The following ME3 variants were observed in gnomAD, a reference collection of about 807,000 sequenced individuals.
ME3 encodes the protein NADP-dependent malic enzyme, mitochondrial.
A neutral mutation model predicts 68.9 loss-of-function variants in ME3; 48 were observed. The observed-to-expected ratio is 0.70, with a 90% confidence interval of 0.55 to 0.89. The LOEUF is 0.89. ME3 is among the 40% of genes least tolerant of loss of function. ME3 has a pLI of 0.00. For synonymous variants in ME3, 320 were observed against 318.8 expected, an observed-to-expected ratio of 1.00 and a Z score of -0.04; for missense variants, 675 against 797.4, an observed-to-expected ratio of 0.85 and a Z score of 1.85.
At chr11:86,600,755 T>A (rs2135112997) in intron 2 of ME3, among the ~76,000 whole-genome samples, 1 of 151,898 alleles carries the variant, frequency 6.6e-6, no homozygotes, top group East Asian at 1.9e-4. Flanking sequence ...AAACTGTCTC[T>A]CAGACCACAG....
Position 86,527,321 on chromosome 11 carries a change from A to G in ME3, c.468-18454T>C, listed in dbSNP as rs560497304. On this transcript the variant is annotated intron_variant, in intron 4 of 14. Coordinates refer to ENST00000543262, the Ensembl canonical transcript of ME3. ...GAGAAGAGAAGTTTAGAGAAAAAAG[A>G]ATAAAAAGAAACGAACAAAGCCTCC... Among the ~76,000 whole-genome samples, 8 of 152,320 alleles carry G rather than the reference A, an allele frequency of 5.3e-5. No individual in the cohort carries two copies. The South Asian group carries it at 1.7e-3, about 32-fold the overall frequency.
intron 4 of ME3, among the ~76,000 whole-genome samples, chr11:86,513,113 G>C (rs931901301): frequency 3.9e-5 from 6 of 152,194 alleles, no homozygotes; most frequent in Non-Finnish European, 7.4e-5. Context: ...TTAAACACAG[G>C]ATAGGTGTGA....
At chr11:86,513,064 C>G (rs1206073150) in intron 4 of ME3, among the ~76,000 whole-genome samples, 1 of 152,110 alleles carries the variant, frequency 6.6e-6, no homozygotes, top group East Asian at 1.9e-4. Flanking sequence ...GGGGTAAGAT[C>G]CATGCACTAT....
intron 2 of ME3, among the ~76,000 whole-genome samples, chr11:86,586,571 A>T (rs1403967971): frequency 6.6e-6 from 1 of 152,152 alleles, no homozygotes; most frequent in Non-Finnish European, 1.5e-5. Flanking sequence ...CTGGGTGGAG[A>T]AGGTCTATAA....
At chr11:86,561,063 C>T (rs563561058) in intron 2 of ME3, among the ~76,000 whole-genome samples, 4 of 152,116 alleles carry the variant, frequency 2.6e-5, no homozygotes, top group South Asian at 2.1e-4. Flanking sequence ...ACTGTTGATA[C>T]GGACCTTGAT....
intron 4 of ME3, among the ~76,000 whole-genome samples, chr11:86,551,590 G>A (rs1319376543): frequency 7.9e-5 from 12 of 152,278 alleles, no homozygotes; most frequent in South Asian, 6.2e-4. Flanking sequence ...GTCAGCTTTC[G>A]TTTTCATCTC....
At chr11:86,460,505 G>A (rs1054397470) in intron 8 of ME3, among the ~76,000 whole-genome samples, 1 of 152,226 alleles carries the variant, frequency 6.6e-6, no homozygotes, top group African/African-American at 2.4e-5. Flanking sequence ...CACTGAGGAT[G>A]TGAGGCTAGG....
At chr11:86,604,415 G>T (rs117327791) in intron 2 of ME3, among the ~76,000 whole-genome samples, 100 of 151,944 alleles carry the variant, frequency 6.6e-4, no homozygotes, top group Non-Finnish European at 1.1e-3. Flanking sequence ...TTTTATTTTT[G>T]GTTTACACTA....
intron 2 of ME3, among the ~76,000 whole-genome samples, chr11:86,585,277 T>C (rs1279309666): frequency 1.3e-5 from 2 of 152,234 alleles, no homozygotes; most frequent in Non-Finnish European, 2.9e-5. Context: ...GGAGAATTTT[T>C]GGAAGGGTCC....
At position 86,530,178 on chromosome 11, in the gene ME3, A is replaced by G. The variant is rs1367837666; in HGVS notation, c.468-21311T>C. 2.0e-5 allele frequency among the ~76,000 whole-genome samples: 3 copies of G among 152,192 alleles called. No individual in the cohort carries two copies. The East Asian group carries it at 5.8e-4, about 29-fold the overall frequency. On this transcript the variant is annotated intron_variant, in intron 4 of 14. Coordinates refer to ENST00000543262, the Ensembl canonical transcript of ME3. The stretch of plus-strand genomic sequence containing the variant: ...ATCTCAGGATACAAAATCAATGTGC[A>G]AAAATCACAAGCATTCTTATACACC...
chr11:86,456,602 G>A (rs1274147179), intron 8 of ME3, among the ~76,000 whole-genome samples: 1 of 152,142 alleles, frequency 6.6e-6, no homozygotes, highest in Non-Finnish European at 1.5e-5. Context: ...TATAGTTGAA[G>A]GCAGCAGGAG....
intron 4 of ME3, among the ~76,000 whole-genome samples, chr11:86,534,650 G>C (rs1318602561): frequency 6.6e-6 from 1 of 152,064 alleles, no homozygotes; most frequent in African/African-American, 2.4e-5. Context: ...ACTCCAGCCT[G>C]GGCAACAGAG....
intron 2 of ME3, among the ~76,000 whole-genome samples, chr11:86,655,664 T>A (rs921284736): frequency 2.6e-5 from 4 of 151,606 alleles, no homozygotes; most frequent in Non-Finnish European, 4.4e-5. Flanking sequence ...AACCTAGGCA[T>A]TACCATTCAG....
At chr11:86,654,743 C>G (rs1427451212) in intron 2 of ME3, among the ~76,000 whole-genome samples, 1 of 152,132 alleles carries the variant, frequency 6.6e-6, no homozygotes, top group Admixed American at 6.6e-5. Flanking sequence ...GAAGTTCTGG[C>G]CAGGGCAATC....
intron 4 of ME3, among the ~76,000 whole-genome samples, chr11:86,511,523 G>T (rs947533592): frequency 2.6e-5 from 4 of 152,100 alleles, no homozygotes; most frequent in Admixed American, 1.3e-4. Flanking sequence ...ACTCATTATT[G>T]GGCAGGGCCA....
chr11:86,460,061 C>T (rs556141919), intron 8 of ME3, among the ~76,000 whole-genome samples: 1 of 152,354 alleles, frequency 6.6e-6, no homozygotes, highest in Admixed American at 6.5e-5. Flanking sequence ...TGACCATTCC[C>T]ACTGCCTTTC....
chr11:86,472,081 C>T (rs896686115), intron 7 of ME3, among the ~76,000 whole-genome samples: 2 of 152,074 alleles, frequency 1.3e-5, no homozygotes, highest in Non-Finnish European at 2.9e-5. Context: ...GGTTCCCAGA[C>T]AGACTGTGGA....
chr11:86,597,853 C>T (rs189786211), intron 2 of ME3, among the ~76,000 whole-genome samples: 7 of 152,082 alleles, frequency 4.6e-5, no homozygotes, highest in Admixed American at 4.6e-4. Flanking sequence ...ATACATTAAC[C>T]TTAAGGTTAT....
chr11:86,466,915 A>G (rs935363860), intron 7 of ME3, among the ~76,000 whole-genome samples: 2 of 152,156 alleles, frequency 1.3e-5, no homozygotes, highest in Non-Finnish European at 2.9e-5. Context: ...TCACCTCTCT[A>G]TTCTACCTCA....
Sources: allele counts gnomAD v4.1 joint callset (sites outside exome capture counted in the v4.1 genomes callset), GRCh38; gene constraint gnomAD v4.1.1; transcripts MANE v1.5; gene names NCBI Gene and HGNC (gene_info 2026-07-23, HGNC 2026-07-21).